Variants in SLC43A1 observed in about 807,000 individuals in gnomAD.
SLC43A1 encodes solute carrier family 43 member 1.
A neutral mutation model predicts 59.5 loss-of-function variants in SLC43A1; 31 were observed. That is an observed-to-expected ratio of 0.52 (90% CI 0.39 to 0.70). The LOEUF is 0.70. Ranked by LOEUF, SLC43A1 falls within the 30% of genes least tolerant of loss-of-function variation. The pLI, the probability that SLC43A1 is intolerant of heterozygous loss-of-function variation, is 0.00. For missense variants in SLC43A1, 598 were observed against 717.8 expected (o/e 0.83, Z 1.91); for synonymous variants, 259 against 290.9 (o/e 0.89, Z 1.12).
chr11:57,491,571 C>A lies in SLC43A1; in HGVS notation c.1054+20G>T. On this transcript the variant is annotated intron_variant, in intron 10 of 14. Coordinates refer to ENST00000278426, the MANE Select transcript of SLC43A1 (RefSeq NM_003627.6). ...GCAGTGGGGTGGGCGTGAGCCAGGG[C>A]CCTGCTTTCATAGCCCTACCTGTCT... is the stretch of plus-strand genomic sequence containing the variant. 6.2e-7 allele frequency: 1 copy of A among 1,614,004 alleles called. No homozygotes were observed. The highest frequency in any genetic ancestry group is 8.5e-7 in the Non-Finnish European group (1 of 1,179,970).
Position 57,484,964 on chromosome 11 carries a change from C to G in SLC43A1, c.*132G>C. On this transcript the variant is annotated 3_prime_UTR_variant, in exon 15 of 15. Coordinates refer to ENST00000278426, the MANE Select transcript of SLC43A1 (RefSeq NM_003627.6). ...TTTTGCAGTCTTTACAAAAATAGAA[C>G]TTCTCTTGGTATTTATAAATCTACG... 1 of 1,123,036 alleles carries G rather than the reference C, an allele frequency of 8.9e-7. No individual in the cohort carries two copies. The allele number at this position is 1,123,036 out of a possible 1,614,324, so 69.6% of individuals were successfully genotyped here.
At chr11:57,492,750 A>AC (rs1943970385) in intron 8 of SLC43A1, among the ~76,000 whole-genome samples, 1 of 146,542 alleles carries the variant, frequency 6.8e-6, no homozygotes, top group African/African-American at 2.5e-5. Flanking sequence ...AAAAAAAAAA[A>AC]AAAAAACCTG....
At chr11:57,497,212 G>T (rs1381465355) in intron 6 of SLC43A1, among the ~76,000 whole-genome samples, 1 of 151,642 alleles carries the variant, frequency 6.6e-6, no homozygotes. Flanking sequence ...TCAGTCAAAG[G>T]GTCCTTTGAT....
chr11:57,491,716 C>T lies in SLC43A1; in HGVS notation c.1018G>A (p.Glu340Lys), dbSNP rs1421535063. The T allele has an allele frequency of 3.1e-6, 5 of 1,614,144 alleles. No homozygotes were observed. Among genetic ancestry groups the T allele is most frequent in the Non-Finnish European group, 4.2e-6 (5 of 1,180,056 alleles). Residue 340 changes from glutamate to lysine, a missense_variant and splice_region_variant, in exon 9 of 15, where the codon GAG (glutamate) becomes AAG (lysine). Glu to Lys is a moderately conservative substitution (Grantham distance 56). Coordinates refer to ENST00000278426, the MANE Select transcript of SLC43A1 (RefSeq NM_003627.6). ...CCCAGGGGCCTCAGCGGTGCCTCAC[C>T]ATGCTCCTGGCCACCAGTCACAAGG... ...EYLVTGGQEH[E>K]TNEQQQKVAE... is the part of the protein sequence containing the mutation.
chr11:57,488,833 C>G, intron 13 of SLC43A1, 83 bp downstream of exon 13: 1 of 1,169,650 alleles, frequency 8.5e-7, no homozygotes, highest in Non-Finnish European at 1.3e-6. Flanking sequence ...TTAGGGGATG[C>G]CTGGGGCCCT....
In SLC43A1 at chr11:57,485,100, GC is replaced by G. The variant is rs755171269; in HGVS notation, c.1675del (p.Ala559HisfsTer34). The G allele has an allele frequency of 6.2e-7, 1 of 1,612,380 alleles. No homozygotes were observed. The highest frequency in any genetic ancestry group is 1.7e-5 in the Admixed American group (1 of 59,528). On this transcript the variant is annotated frameshift_variant, in exon 15 of 15. Coordinates refer to ENST00000278426, the MANE Select transcript of SLC43A1 (RefSeq NM_003627.6). LOFTEE classifies it high-confidence loss of function. ...LKVLSGSEVTA is the reference protein window; with the variant it reads ...LKVLSGSEVTX ...AGGTCCCTTGGTCTGAGAAGTCTAT[GC>G]GGTCACCTCAGAGCCGCTAAGCACC...
Position 57,501,478 on chromosome 11 carries a change from G to C in SLC43A1, c.155-149C>G. ...GAGTCACATCTCCTCTGATGGGGCTGCTCCAGAAATGGCAGCCATTAGTAC... is the reference window on the plus strand; with the variant it reads ...GAGTCACATCTCCTCTGATGGGGCTCCTCCAGAAATGGCAGCCATTAGTAC... On this transcript the variant is annotated intron_variant, in intron 2 of 14. Coordinates refer to ENST00000278426, the MANE Select transcript of SLC43A1 (RefSeq NM_003627.6). The C allele has an allele frequency of 4.1e-6, 3 of 730,750 alleles. No homozygotes were observed. In the African/African-American group the frequency reaches 5.2e-5, roughly 13 times the overall value. 45.3% of individuals were successfully genotyped at this position (730,750 alleles called of 1,614,324 possible). A position where few individuals can be genotyped will look rare whatever the true frequency, so the allele number is the denominator to read the frequency against.
Position 57,514,747 on chromosome 11 carries a change from C to T in SLC43A1, c.-13-623G>A. On this transcript the variant is annotated intron_variant, in intron 1 of 14. Coordinates refer to ENST00000278426, the MANE Select transcript of SLC43A1 (RefSeq NM_003627.6). The surrounding 1 kb of genome is among the most constrained non-coding windows in gnomAD (Gnocchi z 5.5). ...AGGGAGACCCAGGACGGGCTCTCCTCGGTTCCCTCCTCCCCCGCGCGCCCC... is the reference window on the plus strand; with the variant it reads ...AGGGAGACCCAGGACGGGCTCTCCTTGGTTCCCTCCTCCCCCGCGCGCCCC... 9.0e-6 allele frequency: 8 copies of T among 893,794 alleles called. No individual in the cohort carries two copies. The highest frequency in any genetic ancestry group is 1.1e-5 in the Non-Finnish European group (8 of 746,216). 55.4% of individuals were successfully genotyped at this position (893,794 alleles called of 1,614,324 possible). A position where few individuals can be genotyped will look rare whatever the true frequency, so the allele number is the denominator to read the frequency against.
intron 14 of SLC43A1, among the ~76,000 whole-genome samples, chr11:57,485,595 T>C (rs1224958021): frequency 6.6e-6 from 1 of 152,128 alleles, no homozygotes; most frequent in Non-Finnish European, 1.5e-5. Flanking sequence ...CCTTTGGAGA[T>C]GTTAACCAAT....
chr11:57,492,574 A>ATATAT (rs1565128046), intron 8 of SLC43A1, among the ~76,000 whole-genome samples: 2 of 18,182 alleles, frequency 1.1e-4, no homozygotes, highest in East Asian at 0.017. Context: ...ATATATATAT[A>ATATAT]AAAAAATAAG....
chr11:57,489,017 G>GT (rs1374450433), intron 12 of SLC43A1, 28 bp from the exon 13 acceptor site: 2 of 1,604,458 alleles, frequency 1.2e-6, no homozygotes, highest in African/African-American at 2.7e-5. Flanking sequence ...GAGTGAAGAG[G>GT]TTAGGAGAGT....
At chr11:57,503,965 G>A (rs1944331586) in intron 2 of SLC43A1, among the ~76,000 whole-genome samples, 1 of 152,146 alleles carries the variant, frequency 6.6e-6, no homozygotes, top group Admixed American at 6.5e-5. Context: ...AGGCCAAGGA[G>A]GGTAAATCAC....
At position 57,502,431 on chromosome 11, in the gene SLC43A1, G is replaced by A. The variant is rs186658231; in HGVS notation, c.155-1102C>T. 3.3e-5 allele frequency among the ~76,000 whole-genome samples: 5 copies of A among 152,342 alleles called. No individual in the cohort carries two copies. In the East Asian group the frequency reaches 9.6e-4, roughly 29 times the overall value. On this transcript the variant is annotated intron_variant, in intron 2 of 14. Coordinates refer to ENST00000278426, the MANE Select transcript of SLC43A1 (RefSeq NM_003627.6). ...AACAAAGAGCTTTGCACAGTGCCTGGCCCAGAGAAAGTGCTCCTGAAGGAT... is the reference window on the plus strand; with the variant it reads ...AACAAAGAGCTTTGCACAGTGCCTGACCCAGAGAAAGTGCTCCTGAAGGAT...
intron 8 of SLC43A1, among the ~76,000 whole-genome samples, chr11:57,493,098 T>C (rs1943984080): frequency 6.6e-6 from 1 of 152,144 alleles, no homozygotes; most frequent in Non-Finnish European, 1.5e-5. Context: ...ATGGGCTACA[T>C]ACTTGACATT....
In SLC43A1 at chr11:57,487,177, G is replaced by A. The variant is rs1018302004; in HGVS notation, c.1451C>T (p.Ser484Phe). ...NHFGTLTGLQ[S>F]LISAVFALLQ... Reference sequence around the variant, plus strand: ...CAAGGCGAACACAGCACTGATGAGGGACTGCAGGCCTGTCAGCGTCCCAAA... The same window carrying A: ...CAAGGCGAACACAGCACTGATGAGGAACTGCAGGCCTGTCAGCGTCCCAAA... The change falls in exon 14 of 15, where the codon TCC (serine) becomes TTC (phenylalanine). Residue 484 changes from serine to phenylalanine, a missense_variant. Ser to Phe is a radical substitution (Grantham distance 155). Transcript: ENST00000278426. 9.3e-6 allele frequency: 15 copies of A among 1,614,078 alleles called. No individual in the cohort carries two copies. The highest frequency in any genetic ancestry group is 1.3e-5 in the Non-Finnish European group (15 of 1,179,954).
At position 57,485,254 on chromosome 11, in the gene SLC43A1, GGA is replaced by G. The variant is rs1943699054; in HGVS notation, c.1534-14_1534-13del. ...AGGCCCAGATTCACCTTTAGGGCAA[GGA>G]GAGAGAAACAGAGTCAAGTAGGTAG... On this transcript the variant is annotated splice_polypyrimidine_tract_variant and intron_variant, in intron 14 of 14. Transcript: ENST00000278426. 6.2e-7 allele frequency: 1 copy of G among 1,607,304 alleles called. No homozygotes were observed. Among genetic ancestry groups the G allele is most frequent in the East Asian group, 2.2e-5 (1 of 44,820 alleles).
In SLC43A1 at chr11:57,514,321, A is replaced by T. The variant is rs1944627438; in HGVS notation, c.-13-197T>A. 1 of 589,738 alleles carries T rather than the reference A, an allele frequency of 1.7e-6. No homozygotes were observed. The highest frequency in any genetic ancestry group is 2.9e-6 in the Non-Finnish European group (1 of 341,416). The allele number at this position is 589,738 out of a possible 1,614,324, so 36.5% of individuals were successfully genotyped here. Reference sequence around the variant, plus strand: ...TAGCAGTGCCAGAGGTGCACGCGGCACGGGGCTCCCGCTGAGCCACTATCG... The same window carrying T: ...TAGCAGTGCCAGAGGTGCACGCGGCTCGGGGCTCCCGCTGAGCCACTATCG... On this transcript the variant is annotated intron_variant, in intron 1 of 14. Transcript: ENST00000278426. This position sits in a 1 kb window ranked among gnomAD's most constrained non-coding sequence, Gnocchi z 5.5.
At chr11:57,502,054 C>T in intron 2 of SLC43A1, among the ~76,000 whole-genome samples, 1 of 152,236 alleles carries the variant, frequency 6.6e-6, no homozygotes, top group Middle Eastern at 3.2e-3. Context: ...GCCCTCCAGT[C>T]CCCTCTAGAA....
Position 57,514,431 on chromosome 11 carries a change from G to C in SLC43A1, c.-13-307C>G, listed in dbSNP as rs1458609291. 3 of 334,774 alleles carry C rather than the reference G, an allele frequency of 9.0e-6. No individual in the cohort carries two copies. Among genetic ancestry groups the C allele is most frequent in the Admixed American group, 4.6e-5 (1 of 21,670 alleles). 20.7% of individuals were successfully genotyped at this position (334,774 alleles called of 1,614,324 possible). On this transcript the variant is annotated intron_variant, in intron 1 of 14. Transcript: ENST00000278426. The surrounding 1 kb of genome is among the most constrained non-coding windows in gnomAD (Gnocchi z 5.5). ...ACCCAGGCCAGGGCGCTCAGGGCCG[G>C]GCTGCTGGGGAGAAAGTCCGCATCT...
Sources: gnomAD v4.1 joint callset for allele counts (sites outside exome capture counted in the v4.1 genomes callset) on GRCh38, gnomAD v4.1.1 for gene constraint, Gnocchi (gnomAD v3.1) non-coding constraint, MANE v1.5 for transcripts, NCBI Gene and HGNC (gene_info 2026-07-23, HGNC 2026-07-21) for gene names.